Variants in PXDNL observed in about 807,000 individuals in gnomAD.
The protein encoded by PXDNL is probable oxidoreductase PXDNL.
A neutral mutation model predicts 150.8 loss-of-function variants in PXDNL; 145 were observed. The observed-to-expected ratio is 0.96, with a 90% CI of 0.84 to 1.10. The LOEUF is 1.10. Among genes scored for constraint, PXDNL ranks in the 50% least tolerant of loss-of-function variants. The pLI is 0.00. For synonymous variants in PXDNL, 757 were observed against 725.7 expected, an observed-to-expected ratio of 1.04 and a Z score of -0.69; for missense variants, 2,087 against 1,873.9, an observed-to-expected ratio of 1.11 and a Z score of -2.10.
In PXDNL at chr8:51,409,340, G is replaced by C; in HGVS notation, c.2284C>G (p.Arg762Gly). ...GGAAGGCCGAGCCCGCGGGGCGCGC[G>C]GATGCCGTCCCGGTAGGCTGGCTGC... Reference protein sequence around the residue: ...LLQPAYRDGIRAPRGLGLPVG... With the variant: ...LLQPAYRDGIGAPRGLGLPVG... Residue 762 changes from arginine (R) to glycine (G), a missense_variant, in exon 17 of 23, where the codon CGC (arginine) becomes GGC (glycine). By Grantham distance (125) the Arg-to-Gly change is moderately radical. Transcript: ENST00000356297. 6.7e-7 allele frequency: 1 copy of C among 1,488,280 alleles called. No homozygotes were observed. Among genetic ancestry groups the C allele is most frequent in the Admixed American group, 2.6e-5 (1 of 39,020 alleles). The allele number at this position is 1,488,280 out of a possible 1,614,324, so 92.2% of individuals were successfully genotyped here.
chr8:51,699,905 C>A (rs1462688540), intron 1 of PXDNL, among the ~76,000 whole-genome samples: 1 of 152,104 alleles, frequency 6.6e-6, no homozygotes, highest in Non-Finnish European at 1.5e-5. Context: ...TGGTTCGTAG[C>A]ACCCTAAAAC....
chr8:51,631,375 C>A (rs899708830), intron 2 of PXDNL, among the ~76,000 whole-genome samples: 1 of 152,050 alleles, frequency 6.6e-6, no homozygotes, highest in Non-Finnish European at 1.5e-5. Context: ...ACACCAAACC[C>A]CCATGACATG....
chr8:51,464,374 C>G (rs1167738227), intron 8 of PXDNL, among the ~76,000 whole-genome samples: 2 of 1,560 alleles, frequency 1.3e-3, no homozygotes, highest in Non-Finnish European at 4.0e-3. Context: ...TAAATCAGAG[C>G]AGAACTACAT....
chr8:51,466,519 G>T (rs755532948), intron 8 of PXDNL, among the ~76,000 whole-genome samples: 15 of 152,070 alleles, frequency 9.9e-5, no homozygotes, highest in Non-Finnish European at 2.1e-4. Flanking sequence ...CAAAGCAATT[G>T]CAATGAAAAC....
intron 4 of PXDNL, among the ~76,000 whole-genome samples, chr8:51,548,951 A>G (rs1251547920): frequency 6.6e-6 from 1 of 152,164 alleles, no homozygotes; most frequent in Non-Finnish European, 1.5e-5. Flanking sequence ...ACACATAAGG[A>G]CTCACATAAA....
chr8:51,670,221 A>G (rs1815471653), intron 1 of PXDNL, among the ~76,000 whole-genome samples: 1 of 141,676 alleles, frequency 7.1e-6, no homozygotes, highest in Non-Finnish European at 1.6e-5. Flanking sequence ...GAGCAACAAG[A>G]GTGAAATTCC....
intron 3 of PXDNL, among the ~76,000 whole-genome samples, chr8:51,576,946 G>A (rs368494679): frequency 6.6e-6 from 1 of 151,912 alleles, no homozygotes; most frequent in African/African-American, 2.4e-5. Flanking sequence ...AGTTCACTCA[G>A]TGTGAAAGAG....
intron 21 of PXDNL, among the ~76,000 whole-genome samples, chr8:51,323,930 T>A (rs1024648745): frequency 1.3e-3 from 182 of 135,370 alleles, no homozygotes; most frequent in Middle Eastern, 7.5e-3. Flanking sequence ...AAAAATAAAA[T>A]AAAATAAAAT....
intron 1 of PXDNL, among the ~76,000 whole-genome samples, chr8:51,732,945 A>G (rs1314544994): frequency 6.6e-6 from 1 of 152,194 alleles, no homozygotes; most frequent in East Asian, 1.9e-4. Context: ...GCCAAACCAT[A>G]TCACATGGGA....
chr8:51,519,045 G>A (rs1374219942), intron 4 of PXDNL, among the ~76,000 whole-genome samples: 1 of 152,154 alleles, frequency 6.6e-6, no homozygotes, highest in Non-Finnish European at 1.5e-5. Context: ...AATGGATTTG[G>A]CCATTAGGAA....
chr8:51,543,589 G>A (rs145180786), intron 4 of PXDNL, among the ~76,000 whole-genome samples: 5 of 151,800 alleles, frequency 3.3e-5, no homozygotes, highest in African/African-American at 1.2e-4. Flanking sequence ...GTGTGCACCT[G>A]TAATCCCAGA....
intron 19 of PXDNL, among the ~76,000 whole-genome samples, chr8:51,347,059 T>A (rs969941509): frequency 2.6e-5 from 4 of 152,106 alleles, no homozygotes; most frequent in African/African-American, 9.7e-5. Context: ...AAAATAAAAA[T>A]TCTTAATATT....
chr8:51,704,708 C>T (rs1816325676), intron 1 of PXDNL, among the ~76,000 whole-genome samples: 1 of 152,142 alleles, frequency 6.6e-6, no homozygotes, highest in Non-Finnish European at 1.5e-5. Flanking sequence ...GCTGTTGCAA[C>T]CAACTTGCAA....
At chr8:51,429,871 A>G (rs1214039857) in intron 12 of PXDNL, among the ~76,000 whole-genome samples, 2 of 152,092 alleles carry the variant, frequency 1.3e-5, no homozygotes, top group Non-Finnish European at 2.9e-5. Context: ...CTCTGTTGGA[A>G]TCTTATTTTT....
chr8:51,440,028 G>A (rs1809503309), intron 12 of PXDNL, among the ~76,000 whole-genome samples: 1 of 151,280 alleles, frequency 6.6e-6, no homozygotes, highest in Non-Finnish European at 1.5e-5. Context: ...AAGAAATTGT[G>A]AGACAGATAT....
chr8:51,428,975 A>G (rs1809183569), intron 12 of PXDNL, among the ~76,000 whole-genome samples: 1 of 152,260 alleles, frequency 6.6e-6, no homozygotes, highest in Admixed American at 6.5e-5. Flanking sequence ...TATATAAAGA[A>G]CCCAAAAATT....
intron 1 of PXDNL, among the ~76,000 whole-genome samples, chr8:51,785,642 G>C (rs2037454130): frequency 6.6e-6 from 1 of 152,030 alleles, no homozygotes; most frequent in Non-Finnish European, 1.5e-5. Context: ...TAATTGTTTG[G>C]GGGACCACGA....
chr8:51,677,620 T>C (rs1585667626), intron 1 of PXDNL, among the ~76,000 whole-genome samples: 2 of 152,186 alleles, frequency 1.3e-5, no homozygotes. Flanking sequence ...TAAAAATAAA[T>C]GAGTAAATAA....
chr8:51,468,069 A>C (rs2130070482), intron 8 of PXDNL, among the ~76,000 whole-genome samples: 1 of 152,114 alleles, frequency 6.6e-6, no homozygotes, highest in East Asian at 1.9e-4. Context: ...ATGAGTTGAG[A>C]TTTTGTATCT....
Sources: gnomAD v4.1 joint callset for allele counts (sites outside exome capture counted in the v4.1 genomes callset) on GRCh38, gnomAD v4.1.1 for gene constraint, MANE v1.5 for transcripts, NCBI Gene and HGNC (gene_info 2026-07-23, HGNC 2026-07-21) for gene names.